RORB: variants seen among roughly 807,000 people sequenced by gnomAD.
The protein encoded by RORB is nuclear receptor ROR-beta.
Under a neutral mutation model 59.1 loss-of-function variants are expected in RORB, and 6 were observed. The observed-to-expected ratio is 0.10, with a 90% CI of 0.06 to 0.20. The LOEUF (loss-of-function observed/expected upper bound fraction) is 0.20, where lower values mean the gene tolerates loss of function less well. Among genes scored for constraint, RORB ranks in the 10% least tolerant of loss-of-function variants. The pLI, the probability that RORB is intolerant of heterozygous loss-of-function variation, is 1.00. For missense variants in RORB, 320 were observed against 560.5 expected (o/e 0.57, Z 4.33); for synonymous variants, 215 against 204.5 (o/e 1.05, Z -0.44).
At position 74,499,508 on chromosome 9, in the gene RORB, A is replaced by G. The variant is rs547521533; in HGVS notation, c.7+1525A>G. Among the ~76,000 whole-genome samples the G allele has an allele frequency of 3.4e-3, 523 of 152,232 alleles. 5 individuals are homozygous for G. Among genetic ancestry groups the G allele is most frequent in the African/African-American group, 0.012 (482 of 41,536 alleles). ...GGGGAGGGGGTTGACTGTAGATAAG[A>G]AACAAGGACGTCCTGATGGGATGGT... is the stretch of plus-strand genomic sequence containing the variant. On this transcript the variant is annotated intron_variant, in intron 1 of 9. Transcript: ENST00000376896.
chr9:74,584,323 C>T (rs765435687), intron 1 of RORB, among the ~76,000 whole-genome samples: 3 of 152,148 alleles, frequency 2.0e-5, no homozygotes, highest in Non-Finnish European at 4.4e-5. Context: ...TGGAGTTGTA[C>T]TCGCTGCATA....
In RORB at chr9:74,612,166, G is replaced by A. The variant is rs189368156; in HGVS notation, c.8-18116G>A. Among the ~76,000 whole-genome samples, 4 of 152,276 alleles carry A rather than the reference G, an allele frequency of 2.6e-5. No individual in the cohort carries two copies. The East Asian group carries it at 7.7e-4, about 29-fold the overall frequency. ...TCAGGGGACACTTTGCAAACGTGGT[G>A]GGAGTTGAGCTGGGTCTTCAAAATT... is the stretch of plus-strand genomic sequence containing the variant. On this transcript the variant is annotated intron_variant, in intron 1 of 9. Coordinates refer to ENST00000376896, the MANE Select transcript of RORB (RefSeq NM_006914.4).
intron 3 of RORB, among the ~76,000 whole-genome samples, chr9:74,638,414 C>A (rs1823740037): frequency 6.6e-6 from 1 of 152,188 alleles, no homozygotes. Flanking sequence ...AAGAGCATAT[C>A]ATGAGCAAAT....
At chr9:74,511,997 T>G (rs1392763133) in intron 1 of RORB, among the ~76,000 whole-genome samples, 3 of 151,870 alleles carry the variant, frequency 2.0e-5, no homozygotes, top group Non-Finnish European at 4.4e-5. Flanking sequence ...ATAACAATAA[T>G]AAGAAGAAAA....
chr9:74,504,982 A>T (rs1399669497), intron 1 of RORB, among the ~76,000 whole-genome samples: 1 of 152,060 alleles, frequency 6.6e-6, no homozygotes, highest in East Asian at 1.9e-4. Context: ...TAATCATGTG[A>T]CAACCAGAGA....
intron 1 of RORB, chr9:74,498,258 C>G: frequency 2.0e-6 from 1 of 502,488 alleles, no homozygotes; most frequent in Non-Finnish European, 3.6e-6. Context: ...TTGAGTTGCA[C>G]TGAATCTTTT....
At chr9:74,568,002 C>T (rs1822493856) in intron 1 of RORB, among the ~76,000 whole-genome samples, 2 of 152,126 alleles carry the variant, frequency 1.3e-5, no homozygotes, top group Admixed American at 6.5e-5. Flanking sequence ...GTTCATTAAC[C>T]GCAAATCTGT....
At chr9:74,579,954 A>G (rs1734363672) in intron 1 of RORB, among the ~76,000 whole-genome samples, 1 of 152,198 alleles carries the variant, frequency 6.6e-6, no homozygotes, top group Non-Finnish European at 1.5e-5. Flanking sequence ...AGATATTTTG[A>G]GAGAGAGATA....
intron 1 of RORB, among the ~76,000 whole-genome samples, chr9:74,538,042 A>G (rs1826347879): frequency 6.6e-6 from 1 of 151,960 alleles, no homozygotes; most frequent in Admixed American, 6.6e-5. Flanking sequence ...TTTATACTCT[A>G]TTTTTACTAT....
At chr9:74,574,194 G>A (rs897351795) in intron 1 of RORB, among the ~76,000 whole-genome samples, 4 of 152,018 alleles carry the variant, frequency 2.6e-5, no homozygotes, top group Non-Finnish European at 5.9e-5. Context: ...GAACAGCTTT[G>A]ACTCACACAT....
At chr9:74,680,523 C>G (rs1424006847) in intron 9 of RORB, among the ~76,000 whole-genome samples, 1 of 152,128 alleles carries the variant, frequency 6.6e-6, no homozygotes, top group Non-Finnish European at 1.5e-5. Flanking sequence ...CAGCCATGCC[C>G]AGGGTAGAAA....
chr9:74,508,900 G>GCTCT (rs71977081), intron 1 of RORB, among the ~76,000 whole-genome samples: 6 of 148,542 alleles, frequency 4.0e-5, no homozygotes, highest in East Asian at 2.0e-4. Context: ...ATTAATCTAT[G>GCTCT]CTCTCTCTCT....
At chr9:74,682,830 G>T (rs57214601) in intron 9 of RORB, among the ~76,000 whole-genome samples, 1 of 152,150 alleles carries the variant, frequency 6.6e-6, no homozygotes, top group Admixed American at 6.5e-5. Flanking sequence ...GGCTTCAAGC[G>T]ATCCTCTTGC....
Position 74,685,606 on chromosome 9 carries a change from C to A in RORB, c.1368C>A (p.Thr456=). The A allele has an allele frequency of 6.3e-7, 1 of 1,592,686 alleles. No homozygotes were observed. Among genetic ancestry groups the A allele is most frequent in the Non-Finnish European group, 8.6e-7 (1 of 1,164,212 alleles). ...AGCTCTTTAATCCTGACTGTGCCAC[C>A]GGCTGCAAATGAAGGGGACAAGAGA... ...YKELFNPDCA[T]GCK The change falls in exon 10 of 10, where the codon ACC becomes ACA. Residue 456 remains threonine, a synonymous_variant. Coordinates refer to ENST00000376896, the MANE Select transcript of RORB (RefSeq NM_006914.4).
chr9:74,580,799 A>T (rs1259920668), intron 1 of RORB, among the ~76,000 whole-genome samples: 1 of 152,198 alleles, frequency 6.6e-6, no homozygotes. Flanking sequence ...TAGCCACTGA[A>T]ATAAACTGTG....
chr9:74,639,547 T>C (rs1823760951), intron 3 of RORB, among the ~76,000 whole-genome samples: 1 of 152,164 alleles, frequency 6.6e-6, no homozygotes, highest in African/African-American at 2.4e-5. Flanking sequence ...GTTTTTGTGT[T>C]GGAAGAGTTT....
intron 1 of RORB, among the ~76,000 whole-genome samples, chr9:74,559,733 A>G (rs1351383582): frequency 1.3e-5 from 2 of 152,168 alleles, no homozygotes; most frequent in Non-Finnish European, 1.5e-5. Flanking sequence ...TACCAAAGAG[A>G]TGAATGCACC....
At chr9:74,663,087 A>G (rs1449625534) in intron 6 of RORB, among the ~76,000 whole-genome samples, 2 of 152,184 alleles carry the variant, frequency 1.3e-5, no homozygotes, top group African/African-American at 4.8e-5. Flanking sequence ...ACACTGTCTG[A>G]CACACACAAT....
intron 1 of RORB, among the ~76,000 whole-genome samples, chr9:74,617,258 T>C (rs577894776): frequency 6.6e-6 from 1 of 152,326 alleles, no homozygotes; most frequent in Non-Finnish European, 1.5e-5. Flanking sequence ...GTATCTCCAT[T>C]CAAATATTAC....
Sources: allele counts gnomAD v4.1 joint callset (sites outside exome capture counted in the v4.1 genomes callset), GRCh38; gene constraint gnomAD v4.1.1; transcripts MANE v1.5; gene names NCBI Gene and HGNC (gene_info 2026-07-23, HGNC 2026-07-21).